PCDHGA10: variants seen among roughly 807,000 people sequenced by gnomAD.
PCDHGA10 encodes the protein protocadherin gamma subfamily A, 10, also known as protocadherin gamma-A10.
Under a neutral mutation model 59.5 loss-of-function variants are expected in PCDHGA10, and 42 were observed. That is an observed-to-expected ratio of 0.71 (90% CI 0.55 to 0.91). The LOEUF (loss-of-function observed/expected upper bound fraction) is 0.91. Among genes scored for constraint, PCDHGA10 ranks in the 40% least tolerant of loss-of-function variants. PCDHGA10 has a pLI of 0.00. For synonymous variants in PCDHGA10, 511 were observed against 517.2 expected (o/e 0.99, Z 0.16); for missense variants, 1,111 against 1,198.2 (o/e 0.93, Z 1.07).
In PCDHGA10 at chr5:141,432,877, C is replaced by T. The variant is rs375043811; in HGVS notation, c.2436+17266C>T. 108 of 1,614,082 alleles carry T rather than the reference C, an allele frequency of 6.7e-5. No homozygotes were observed. Among genetic ancestry groups the T allele is most frequent in the Non-Finnish European group, 7.6e-5 (90 of 1,180,018 alleles). On this transcript the variant is annotated intron_variant, in intron 1 of 3. Coordinates refer to ENST00000398610, the MANE Select transcript of PCDHGA10 (RefSeq NM_018913.3). The surrounding 1 kb of genome is among the most constrained non-coding windows in gnomAD (Gnocchi z 6.0). Reference sequence around the variant, plus strand: ...CCGCGGTCTCCTGCGTCTTCCTGGCCTTCGTCATCTTGCTGCTGGCGCTCA... The same window carrying T: ...CCGCGGTCTCCTGCGTCTTCCTGGCTTTCGTCATCTTGCTGCTGGCGCTCA...
chr5:141,432,600 C>T lies in PCDHGA10; in HGVS notation c.2436+16989C>T, dbSNP rs901310090. The T allele has an allele frequency of 1.9e-6, 3 of 1,613,832 alleles. No individual in the cohort carries two copies. The East Asian group carries it at 6.7e-5, about 36-fold the overall frequency. ...TACCGTCTGCTCAAGGCCAGCGAGCCGGGACTCTTCTCGGTGGGTCTGCAC... is the reference window on the plus strand; with the variant it reads ...TACCGTCTGCTCAAGGCCAGCGAGCTGGGACTCTTCTCGGTGGGTCTGCAC... On this transcript the variant is annotated intron_variant, in intron 1 of 3. Transcript: ENST00000398610. The surrounding 1 kb of genome is among the most constrained non-coding windows in gnomAD (Gnocchi z 6.0).
chr5:141,428,197 G>A, intron 1 of PCDHGA10: 3 of 1,385,968 alleles, frequency 2.2e-6, no homozygotes, highest in Non-Finnish European at 3.0e-6. Context: ...CGCTCTCTGC[G>A]CCGCTACGCT....
intron 1 of PCDHGA10, among the ~76,000 whole-genome samples, chr5:141,437,093 C>T (rs1382920904): frequency 2.6e-5 from 4 of 152,136 alleles, no homozygotes; most frequent in East Asian, 1.9e-4. Flanking sequence ...TTGAAACTAA[C>T]GGCTTAGCTT....
At chr5:141,466,146 T>C (rs977109086) in intron 1 of PCDHGA10, among the ~76,000 whole-genome samples, 5 of 151,880 alleles carry the variant, frequency 3.3e-5, no homozygotes, top group Non-Finnish European at 7.4e-5. Context: ...GTGAAAACTC[T>C]GGTCTTAAAC....
chr5:141,495,108 C>G (rs1304714928), intron 2 of PCDHGA10, among the ~76,000 whole-genome samples: 1 of 152,176 alleles, frequency 6.6e-6, no homozygotes, highest in Admixed American at 6.5e-5. Context: ...ACGACCGGCA[C>G]CTTTTCCTAT....
At position 141,486,878 on chromosome 5, in the gene PCDHGA10, C is replaced by T. The variant is rs772994346; in HGVS notation, c.2437-7929C>T. ...CAATGCTCCAGCTGTGCTCCGTCCT[C>T]GGGCCCGGCCTGGTTCCTTATGTCC... On this transcript the variant is annotated intron_variant, in intron 1 of 3. Transcript: ENST00000398610. The surrounding 1 kb of genome is among the most constrained non-coding windows in gnomAD (Gnocchi z 5.0). 3.0e-5 allele frequency: 49 copies of T among 1,614,114 alleles called. No homozygotes were observed. The highest frequency in any genetic ancestry group is 4.4e-5 in the South Asian group (4 of 91,088).
chr5:141,414,629 G>T lies in PCDHGA10; in HGVS notation c.1454G>T (p.Ser485Ile). 6.2e-7 allele frequency: 1 copy of T among 1,614,000 alleles called. No homozygotes were observed. Residue 485 changes from serine (S) to isoleucine (I), a missense_variant, in exon 1 of 4, where the codon AGC (serine) becomes ATC (isoleucine). Ser to Ile is a moderately radical substitution (Grantham distance 142). Coordinates refer to ENST00000398610, the MANE Select transcript of PCDHGA10 (RefSeq NM_018913.3). The stretch of plus-strand genomic sequence containing the variant: ...TCAGTGACAGCGCTGGACCCGGACA[G>T]CAAAGAGAATGCCCAGATTATTTAC... ...IFSVTALDPD[S>I]KENAQIIYSL... is the part of the protein sequence containing the mutation.
chr5:141,457,466 A>C (rs1404739941), intron 1 of PCDHGA10, among the ~76,000 whole-genome samples: 1 of 152,356 alleles, frequency 6.6e-6, no homozygotes, highest in East Asian at 1.9e-4. Context: ...ATTCACAGGA[A>C]TAAGCAGGGC....
chr5:141,454,974 A>AT (rs2098808620), intron 1 of PCDHGA10, among the ~76,000 whole-genome samples: 1 of 151,182 alleles, frequency 6.6e-6, no homozygotes, highest in African/African-American at 2.4e-5. Context: ...CGCCTGGCTA[A>AT]TTTTTTAAAA....
chr5:141,473,254 T>C (rs1203765731), intron 1 of PCDHGA10, among the ~76,000 whole-genome samples: 5 of 152,152 alleles, frequency 3.3e-5, no homozygotes, highest in African/African-American at 4.8e-5. Context: ...ACATATATAG[T>C]CCTTAGTGTA....
chr5:141,480,710 T>C (rs1174000425), intron 1 of PCDHGA10, among the ~76,000 whole-genome samples: 1 of 152,042 alleles, frequency 6.6e-6, no homozygotes, highest in East Asian at 1.9e-4. Context: ...CCCCGACAAA[T>C]GAAAGCACAG....
At position 141,421,681 on chromosome 5, in the gene PCDHGA10, C is replaced by T. The variant is rs750692137; in HGVS notation, c.2436+6070C>T. 4 of 1,613,858 alleles carry T rather than the reference C, an allele frequency of 2.5e-6. No homozygotes were observed. In the South Asian group the frequency reaches 4.4e-5, roughly 18 times the overall value. Reference sequence around the variant, plus strand: ...CAGTGAGCACGCAATTCCTGGGGCGCGATTTGCTCTTCCTAATGCTAGGGA... The same window carrying T: ...CAGTGAGCACGCAATTCCTGGGGCGTGATTTGCTCTTCCTAATGCTAGGGA... On this transcript the variant is annotated intron_variant, in intron 1 of 3. Coordinates refer to ENST00000398610, the MANE Select transcript of PCDHGA10 (RefSeq NM_018913.3).
chr5:141,499,634 C>A (rs1194596079), intron 2 of PCDHGA10, among the ~76,000 whole-genome samples: 1 of 151,220 alleles, frequency 6.6e-6, no homozygotes, highest in Non-Finnish European at 1.5e-5. Flanking sequence ...TCTTTTGAAG[C>A]AAATCTCAGA....
intron 1 of PCDHGA10, among the ~76,000 whole-genome samples, chr5:141,464,454 A>G (rs999305559): frequency 6.6e-6 from 1 of 151,542 alleles, no homozygotes; most frequent in Non-Finnish European, 1.5e-5. Context: ...TGTTGTTGTT[A>G]TTTTTGAAGT....
chr5:141,460,981 GTGTATATATA>G (rs1332002052), intron 1 of PCDHGA10, among the ~76,000 whole-genome samples: 6 of 121,884 alleles, frequency 4.9e-5, no homozygotes, highest in Non-Finnish European at 1.0e-4. Flanking sequence ...GTGTGTGTGT[GTGTATATATA>G]TATATGTGTA....
At chr5:141,475,512 C>A (rs2099364350) in intron 1 of PCDHGA10, among the ~76,000 whole-genome samples, 2 of 152,326 alleles carry the variant, frequency 1.3e-5, no homozygotes, top group South Asian at 4.1e-4. Context: ...AATGTCTCCA[C>A]GGAAATGCTA....
chr5:141,497,005 A>T (rs1249733879), intron 2 of PCDHGA10, among the ~76,000 whole-genome samples: 1 of 152,134 alleles, frequency 6.6e-6, no homozygotes, highest in Non-Finnish European at 1.5e-5. Context: ...GGCAGCCAAC[A>T]TGGTGAAACC....
chr5:141,505,520 C>T, intron 3 of PCDHGA10, 39 bp downstream of exon 3: 1 of 1,612,650 alleles, frequency 6.2e-7, no homozygotes, highest in Non-Finnish European at 8.5e-7. Flanking sequence ...AGTGGGAGAC[C>T]TGGGGTTCTG....
Position 141,477,032 on chromosome 5 carries a change from A to G in PCDHGA10, c.2437-17775A>G, listed in dbSNP as rs1026169829. 2 of 1,614,134 alleles carry G rather than the reference A, an allele frequency of 1.2e-6. No homozygotes were observed. Among genetic ancestry groups the G allele is most frequent in the Non-Finnish European group, 1.7e-6 (2 of 1,180,044 alleles). ...AGACCTTGTAACCGGGATGCTGACA[A>G]TCAAGGGTCGGCTGGACTTCGAGGA... On this transcript the variant is annotated intron_variant, in intron 1 of 3. Transcript: ENST00000398610. This position sits in a 1 kb window ranked among gnomAD's most constrained non-coding sequence, Gnocchi z 4.9.
Sources: gnomAD v4.1 joint callset for allele counts (sites outside exome capture counted in the v4.1 genomes callset) on GRCh38, gnomAD v4.1.1 for gene constraint, Gnocchi (gnomAD v3.1) non-coding constraint, MANE v1.5 for transcripts, NCBI Gene and HGNC (gene_info 2026-07-23, HGNC 2026-07-21) for gene names.